The following FAXC variants were observed in gnomAD, a reference collection of about 807,000 sequenced individuals.
FAXC encodes the protein failed axon connections homolog.
Under a neutral mutation model 41.9 loss-of-function variants are expected in FAXC, and 10 were observed. That is an observed-to-expected ratio of 0.24 (90% CI 0.15 to 0.41). The LOEUF (loss-of-function observed/expected upper bound fraction) is 0.41. Among genes scored for constraint, FAXC ranks in the 10% least tolerant of loss-of-function variants. The pLI is 1.00. For missense variants in FAXC, 399 were observed against 510.9 expected (o/e 0.78, Z 2.11); for synonymous variants, 183 against 183.8 (o/e 1.00, Z 0.03).
chr6:99,319,623 G>A (rs949338819), intron 4 of FAXC, among the ~76,000 whole-genome samples: 3 of 152,150 alleles, frequency 2.0e-5, no homozygotes, highest in Admixed American at 2.0e-4. Flanking sequence ...GAGAAGTCAA[G>A]AGGCTTGCCC....
At chr6:99,315,109 C>A (rs1224024171) in intron 4 of FAXC, among the ~76,000 whole-genome samples, 1 of 151,586 alleles carries the variant, frequency 6.6e-6, no homozygotes, top group Non-Finnish European at 1.5e-5. Flanking sequence ...TGCCGCACAC[C>A]TGTAATTTCA....
At chr6:99,336,680 C>T (rs146058592) in intron 2 of FAXC, among the ~76,000 whole-genome samples, 20 of 152,290 alleles carry the variant, frequency 1.3e-4, no homozygotes, top group African/African-American at 3.8e-4. Flanking sequence ...CATTTATTCA[C>T]GGAGTGACCC....
At chr6:99,288,847 G>GACACACACACACACACACACACACACAC (rs11274408) in intron 5 of FAXC, among the ~76,000 whole-genome samples, 1 of 69,496 alleles carries the variant, frequency 1.4e-5, no homozygotes, top group Non-Finnish European at 2.5e-5. Context: ...CACATGAATC[G>GACACACACACACACACACACACACACAC]ACACACACAC....
chr6:99,300,587 T>G (rs1252084867), intron 4 of FAXC, among the ~76,000 whole-genome samples: 2 of 152,246 alleles, frequency 1.3e-5, no homozygotes, highest in Non-Finnish European at 2.9e-5. Flanking sequence ...TGGTGAGATT[T>G]GAGGGCTATA....
In FAXC at chr6:99,271,858, G is replaced by C. The variant is rs1454429601; in HGVS notation, c.*9306C>G. On this transcript the variant is annotated 3_prime_UTR_variant, in exon 6 of 6. Coordinates refer to ENST00000389677, the MANE Select transcript of FAXC (RefSeq NM_032511.4). ...AGTATTATTATTTGACCAAAGATTTGGTCAAATTTTAAGATAGAATTTGAA... is the reference window on the plus strand; with the variant it reads ...AGTATTATTATTTGACCAAAGATTTCGTCAAATTTTAAGATAGAATTTGAA... 6.6e-6 allele frequency: 1 copy of C among 152,058 alleles called. No homozygotes were observed. The highest frequency in any genetic ancestry group is 1.5e-5 in the Non-Finnish European group (1 of 68,000). The allele number at this position is 152,058 out of a possible 1,614,324, so 9.4% of individuals were successfully genotyped here.
chr6:99,349,366 A>C lies in FAXC; in HGVS notation c.7T>G (p.Trp3Gly), dbSNP rs1413514763. 6.2e-7 allele frequency: 1 copy of C among 1,610,088 alleles called. No homozygotes were observed. Among genetic ancestry groups the C allele is most frequent in the Non-Finnish European group, 8.5e-7 (1 of 1,178,722 alleles). ...CTGGACGAAGCAAAGCCAACCCCCC[A>C]GTGCATGCTGCGCGGCTGGCTCCGG... MH[W>G]GVGFASSRPC... Residue 3 changes from tryptophan (W) to glycine (G), a missense_variant, in exon 1 of 6, where the codon TGG (tryptophan) becomes GGG (glycine). Coordinates refer to ENST00000389677, the MANE Select transcript of FAXC (RefSeq NM_032511.4).
chr6:99,296,054 T>C lies in FAXC; in HGVS notation c.824-4234A>G, dbSNP rs79997911. Among the ~76,000 whole-genome samples, 1,262 of 152,336 alleles carry C rather than the reference T, an allele frequency of 8.3e-3. 7 individuals carry two copies. The highest frequency in any genetic ancestry group is 0.014 in the Non-Finnish European group (954 of 68,030). ...GTATTCAATTATTTATTTATGTAAGTATGCACTAATGGATATTTATTTTAT... is the reference window on the plus strand; with the variant it reads ...GTATTCAATTATTTATTTATGTAAGCATGCACTAATGGATATTTATTTTAT... On this transcript the variant is annotated intron_variant, in intron 4 of 5. Transcript: ENST00000389677.
At chr6:99,307,772 C>T (rs931578557) in intron 4 of FAXC, among the ~76,000 whole-genome samples, 6 of 152,088 alleles carry the variant, frequency 3.9e-5, no homozygotes, top group Non-Finnish European at 7.4e-5. Flanking sequence ...TTCACACAAG[C>T]GCTGCGATGC....
chr6:99,345,215 T>A (rs1773551048), intron 1 of FAXC, among the ~76,000 whole-genome samples: 1 of 152,208 alleles, frequency 6.6e-6, no homozygotes, highest in Non-Finnish European at 1.5e-5. Context: ...CTTAGACCAC[T>A]GAAGCCTGAA....
rs1294453989 is a variant in FAXC, at chr6:99,279,209, C to A, written c.*1955G>T. On this transcript the variant is annotated 3_prime_UTR_variant, in exon 6 of 6. Coordinates refer to ENST00000389677, the MANE Select transcript of FAXC (RefSeq NM_032511.4). ...CTCAAACAGGCTTATCCATTCATAT[C>A]TTCTCCACCACATTCTTATTAGGCA... is the stretch of plus-strand genomic sequence containing the variant. The A allele has an allele frequency of 2.6e-5, 4 of 152,162 alleles. No homozygotes were observed. The highest frequency in any genetic ancestry group is 2.0e-4 in the Admixed American group (3 of 15,272). 9.4% of individuals were successfully genotyped at this position (152,162 alleles called of 1,614,324 possible). A position where few individuals can be genotyped will look rare whatever the true frequency, so the allele number is the denominator to read the frequency against.
In FAXC at chr6:99,278,152, T is replaced by C. The variant is rs923255680; in HGVS notation, c.*3012A>G. Reference sequence around the variant, plus strand: ...GCCCACAGCCTTGGTAGTGTCACTTTCTACAATTCATTATGTAACAACAAC... The same window carrying C: ...GCCCACAGCCTTGGTAGTGTCACTTCCTACAATTCATTATGTAACAACAAC... On this transcript the variant is annotated 3_prime_UTR_variant, in exon 6 of 6. Transcript: ENST00000389677. The C allele has an allele frequency of 3.3e-5, 5 of 152,234 alleles. No homozygotes were observed. Among genetic ancestry groups the C allele is most frequent in the African/African-American group, 9.7e-5 (4 of 41,450 alleles). 9.4% of individuals were successfully genotyped at this position (152,234 alleles called of 1,614,324 possible).
intron 4 of FAXC, among the ~76,000 whole-genome samples, chr6:99,296,279 CA>C (rs5878576): frequency 0.63 from 95,093 of 151,580 alleles, 30,001 homozygotes; most frequent in African/African-American, 0.7. Context: ...ATCTCACGAC[CA>C]GGGGGTTTTG....
intron 4 of FAXC, among the ~76,000 whole-genome samples, chr6:99,319,615 G>C (rs535339370): frequency 9.2e-5 from 14 of 152,268 alleles, no homozygotes; most frequent in African/African-American, 3.4e-4. Context: ...CAGGCCCAGA[G>C]AAGTCAAGAG....
chr6:99,285,249 T>A (rs765889175), intron 5 of FAXC, among the ~76,000 whole-genome samples: 2 of 152,176 alleles, frequency 1.3e-5, no homozygotes, highest in Non-Finnish European at 2.9e-5. Context: ...TATATGTACA[T>A]GGATATCAAA....
chr6:99,333,481 C>T lies in FAXC; in HGVS notation c.469G>A (p.Val157Ile), dbSNP rs772951447. The change falls in exon 3 of 6, where the codon GTT becomes ATT. Residue 157 changes from valine to isoleucine, a missense_variant. By Grantham distance (29) the Val-to-Ile change is conservative. Around this residue, in one of 3 missense-constraint regions of FAXC, gnomAD observed 239 missense variants for 352.7 expected, o/e 0.68. Coordinates refer to ENST00000389677, the MANE Select transcript of FAXC (RefSeq NM_032511.4). ...MPWIEYNHEK[V>I]SGTEFIIDFL... ...TCAATTATGAATTCTGTGCCAGAAA[C>T]TTTTTCATGATTATATTCAATCCAA... The T allele has an allele frequency of 6.2e-7, 1 of 1,613,978 alleles. No individual in the cohort carries two copies. Among genetic ancestry groups the T allele is most frequent in the Non-Finnish European group, 8.5e-7 (1 of 1,180,018 alleles).
chr6:99,343,088 TC>T, intron 1 of FAXC, 55 bp from the exon 2 acceptor site: 1 of 1,517,792 alleles, frequency 6.6e-7, no homozygotes, highest in Non-Finnish European at 8.8e-7. Context: ...CACATTCGGT[TC>T]CCTTATTTCT....
intron 4 of FAXC, among the ~76,000 whole-genome samples, chr6:99,312,503 G>A (rs775773620): frequency 3.3e-5 from 5 of 152,154 alleles, no homozygotes; most frequent in Non-Finnish European, 5.9e-5. Context: ...GGTGTCTGAA[G>A]ATACACCAAC....
At position 99,278,590 on chromosome 6, in the gene FAXC, T is replaced by C. The variant is rs1478368063; in HGVS notation, c.*2574A>G. On this transcript the variant is annotated 3_prime_UTR_variant, in exon 6 of 6. Coordinates refer to ENST00000389677, the MANE Select transcript of FAXC (RefSeq NM_032511.4). ...TAAGAATGAAGCACATAAAATTAAA[T>C]CCTTCCGGATAAAGACTCACACTAT... is the stretch of plus-strand genomic sequence containing the variant. The C allele has an allele frequency of 6.6e-6, 1 of 152,204 alleles. No homozygotes were observed. The highest frequency in any genetic ancestry group is 1.9e-4 in the East Asian group (1 of 5,190). 9.4% of individuals were successfully genotyped at this position (152,204 alleles called of 1,614,324 possible). A position where few individuals can be genotyped will look rare whatever the true frequency, so the allele number is the denominator to read the frequency against.
chr6:99,347,686 T>C (rs1262440188), intron 1 of FAXC, among the ~76,000 whole-genome samples: 2 of 152,230 alleles, frequency 1.3e-5, no homozygotes, highest in African/African-American at 2.4e-5. Context: ...GCCTCATGGT[T>C]TGGGATCTCC....
Sources: allele counts gnomAD v4.1 joint callset (sites outside exome capture counted in the v4.1 genomes callset), GRCh38; gene constraint gnomAD v4.1.1; regional missense constraint gnomAD v4.1.1; transcripts MANE v1.5; gene names NCBI Gene and HGNC (gene_info 2026-07-23, HGNC 2026-07-21).